Variants in SHISA6 observed in about 807,000 individuals in gnomAD.
The protein encoded by SHISA6 is shisa family member 6.
Under a neutral mutation model 47.9 loss-of-function variants are expected in SHISA6, and 22 were observed. The observed-to-expected ratio is 0.46, with a 90% CI of 0.33 to 0.66. The LOEUF (loss-of-function observed/expected upper bound fraction) is 0.66. Among genes scored for constraint, SHISA6 ranks in the 30% least tolerant of loss-of-function variants. SHISA6 has a pLI of 0.02. For synonymous variants in SHISA6, 388 were observed against 337.8 expected (o/e 1.15, Z -1.63); for missense variants, 680 against 764.6 (o/e 0.89, Z 1.30).
intron 3 of SHISA6, among the ~76,000 whole-genome samples, chr17:11,381,367 G>C (rs1287660063): frequency 2.0e-5 from 3 of 152,206 alleles, no homozygotes; most frequent in African/African-American, 7.2e-5. Flanking sequence ...GCAATATTTA[G>C]AAGTTATGGA....
At chr17:11,469,293 C>T (rs956601856) in intron 3 of SHISA6, among the ~76,000 whole-genome samples, 1 of 151,972 alleles carries the variant, frequency 6.6e-6, no homozygotes, top group African/African-American at 2.4e-5. Flanking sequence ...AGATGCAAGT[C>T]GGAGAAATAA....
At chr17:11,352,130 CATTA>C (rs1238077116) in intron 2 of SHISA6, among the ~76,000 whole-genome samples, 1 of 151,464 alleles carries the variant, frequency 6.6e-6, no homozygotes, top group Admixed American at 6.6e-5. Context: ...GAACAGAGTA[CATTA>C]ATAAGGGAAG....
chr17:11,471,804 T>C (rs2142322529), intron 3 of SHISA6, among the ~76,000 whole-genome samples: 1 of 152,284 alleles, frequency 6.6e-6, no homozygotes, highest in South Asian at 2.1e-4. Flanking sequence ...GCAGTTTTAG[T>C]TTCACAGCAA....
At chr17:11,517,679 T>C (rs184227441) in intron 3 of SHISA6, among the ~76,000 whole-genome samples, 224 of 152,186 alleles carry the variant, frequency 1.5e-3, no homozygotes, top group African/African-American at 5.3e-3. Flanking sequence ...TTTCTTTTTT[T>C]ATTGGTAGAG....
intron 3 of SHISA6, among the ~76,000 whole-genome samples, chr17:11,467,911 A>G (rs1345097665): frequency 6.6e-6 from 1 of 152,202 alleles, no homozygotes; most frequent in African/African-American, 2.4e-5. Context: ...TGTTAGGTAC[A>G]GCTTCTAAAA....
chr17:11,309,214 C>T (rs1309438774), intron 2 of SHISA6, among the ~76,000 whole-genome samples: 4 of 152,214 alleles, frequency 2.6e-5, no homozygotes, highest in Non-Finnish European at 5.9e-5. Context: ...ATCCTTCTGC[C>T]TCAGCCTCCC....
At chr17:11,480,033 A>C (rs1014456105) in intron 3 of SHISA6, among the ~76,000 whole-genome samples, 8 of 151,910 alleles carry the variant, frequency 5.3e-5, no homozygotes, top group Admixed American at 1.3e-4. Flanking sequence ...TTTCTCCTTC[A>C]CTTCTGAAGG....
chr17:11,327,248 T>G lies in SHISA6; in HGVS notation c.800-52166T>G, dbSNP rs1395999099. Reference sequence around the variant, plus strand: ...TAGGTCGCATACCATGAATACACATTAATCTGGAAAAACCTGACTTCTGAG... The same window carrying G: ...TAGGTCGCATACCATGAATACACATGAATCTGGAAAAACCTGACTTCTGAG... On this transcript the variant is annotated intron_variant, in intron 2 of 5. Coordinates refer to ENST00000441885, the MANE Select transcript of SHISA6 (RefSeq NM_207386.4). Among the ~76,000 whole-genome samples, 5 of 152,186 alleles carry G rather than the reference T, an allele frequency of 3.3e-5. No homozygotes were observed. The South Asian group carries it at 1.0e-3, about 32-fold the overall frequency.
chr17:11,396,912 A>G (rs1366357761), intron 3 of SHISA6, among the ~76,000 whole-genome samples: 3 of 152,156 alleles, frequency 2.0e-5, no homozygotes, highest in African/African-American at 7.2e-5. Flanking sequence ...GTAAAATTTT[A>G]AAAAAAGAAT....
At chr17:11,259,970 G>A (rs1348998092) in intron 1 of SHISA6, among the ~76,000 whole-genome samples, 1 of 152,270 alleles carries the variant, frequency 6.6e-6, no homozygotes, top group East Asian at 1.9e-4. Flanking sequence ...AAAAATTGTG[G>A]TAATAATAGC....
intron 2 of SHISA6, among the ~76,000 whole-genome samples, chr17:11,331,186 G>A (rs998454510): frequency 1.3e-5 from 2 of 152,150 alleles, no homozygotes; most frequent in African/African-American, 4.8e-5. Flanking sequence ...TCCAGAAGAA[G>A]CTTAAAAGGG....
At chr17:11,282,325 C>G (rs11652945) in intron 2 of SHISA6, among the ~76,000 whole-genome samples, 127,601 of 152,042 alleles carry the variant, frequency 0.84, 54,178 homozygotes, top group Non-Finnish European at 0.88. Flanking sequence ...TCAACAAGAT[C>G]GAAAGTTCTT....
intron 3 of SHISA6, among the ~76,000 whole-genome samples, chr17:11,528,746 GC>G (rs1209126258): frequency 5.9e-5 from 9 of 152,272 alleles, no homozygotes; most frequent in African/African-American, 1.9e-4. Context: ...CCAAGGAGAT[GC>G]TTTTGGGCAA....
intron 4 of SHISA6, among the ~76,000 whole-genome samples, chr17:11,552,451 T>A (rs2071939869): frequency 6.6e-6 from 1 of 152,182 alleles, no homozygotes; most frequent in Admixed American, 6.5e-5. Flanking sequence ...GTTAGCATAG[T>A]GCCCAAGGGT....
At chr17:11,245,554 C>T in intron 1 of SHISA6, among the ~76,000 whole-genome samples, 1 of 152,158 alleles carries the variant, frequency 6.6e-6, no homozygotes, top group Non-Finnish European at 1.5e-5. Flanking sequence ...CCTCCTCACC[C>T]TGAGTTGATT....
Position 11,270,475 on chromosome 17 carries a change from T to G in SHISA6, c.799+6949T>G, listed in dbSNP as rs183456913. ...ACAAACCAAAGACCAAATTGCCCCTTGGTTTGGACAGCCTGGACCTTAGTC... is the reference window on the plus strand; with the variant it reads ...ACAAACCAAAGACCAAATTGCCCCTGGGTTTGGACAGCCTGGACCTTAGTC... On this transcript the variant is annotated intron_variant, in intron 2 of 5. Coordinates refer to ENST00000441885, the MANE Select transcript of SHISA6 (RefSeq NM_207386.4). Among the ~76,000 whole-genome samples, 840 of 152,236 alleles carry G rather than the reference T, an allele frequency of 5.5e-3. 3 individuals are homozygous for G. Among genetic ancestry groups the G allele is most frequent in the Non-Finnish European group, 0.011 (724 of 67,990 alleles).
At chr17:11,536,741 C>T (rs1290140522) in intron 3 of SHISA6, among the ~76,000 whole-genome samples, 1 of 152,164 alleles carries the variant, frequency 6.6e-6, no homozygotes, top group African/African-American at 2.4e-5. Flanking sequence ...GGTGCTCACA[C>T]CTGATTCCAC....
intron 3 of SHISA6, among the ~76,000 whole-genome samples, chr17:11,501,866 A>G (rs2071456671): frequency 6.6e-6 from 1 of 152,180 alleles, no homozygotes; most frequent in South Asian, 2.1e-4. Context: ...ATAGTGGAAA[A>G]GGAGAGAAAA....
At chr17:11,456,296 G>C (rs915956638) in intron 3 of SHISA6, among the ~76,000 whole-genome samples, 1 of 152,200 alleles carries the variant, frequency 6.6e-6, no homozygotes, top group African/African-American at 2.4e-5. Flanking sequence ...GCACCTGGTG[G>C]AGGGAGCCAT....
Sources: allele counts gnomAD v4.1 joint callset (sites outside exome capture counted in the v4.1 genomes callset), GRCh38; gene constraint gnomAD v4.1.1; transcripts MANE v1.5; gene names NCBI Gene and HGNC (gene_info 2026-07-23, HGNC 2026-07-21).